ARHGAP26: variants seen among roughly 807,000 people sequenced by gnomAD.
ARHGAP26 encodes the protein rho GTPase-activating protein 26.
Under a neutral mutation model 104.8 loss-of-function variants are expected in ARHGAP26, and 38 were observed. The observed-to-expected ratio is 0.36, with a 90% CI of 0.28 to 0.48. The LOEUF is 0.48. Among genes scored for constraint, ARHGAP26 ranks in the 20% least tolerant of loss-of-function variants. ARHGAP26 has a pLI of 0.99. For synonymous variants in ARHGAP26, 341 were observed against 340.0 expected (o/e 1.00, Z -0.03); for missense variants, 704 against 947.9 (o/e 0.74, Z 3.38).
intron 19 of ARHGAP26, among the ~76,000 whole-genome samples, chr5:143,145,695 A>G (rs1799068939): frequency 6.6e-6 from 1 of 152,182 alleles, no homozygotes; most frequent in Admixed American, 6.5e-5. Context: ...TTAAAATATG[A>G]ACAGTTTTAA....
At chr5:142,948,231 G>A (rs371624419) in intron 11 of ARHGAP26, among the ~76,000 whole-genome samples, 1 of 151,978 alleles carries the variant, frequency 6.6e-6, no homozygotes, top group South Asian at 2.1e-4. Context: ...AAAGTCTCAG[G>A]TCAGAAGGCT....
At chr5:143,023,416 C>A (rs1468371419) in intron 12 of ARHGAP26, among the ~76,000 whole-genome samples, 1 of 151,678 alleles carries the variant, frequency 6.6e-6, no homozygotes, top group African/African-American at 2.4e-5. Context: ...GTAGGGAAAG[C>A]CTTGATGGGA....
At chr5:142,806,274 T>A (rs1762966682) in intron 1 of ARHGAP26, among the ~76,000 whole-genome samples, 1 of 152,300 alleles carries the variant, frequency 6.6e-6, no homozygotes, top group African/African-American at 2.4e-5. Flanking sequence ...TTATTTTTAT[T>A]TTTTGTAGAA....
chr5:142,885,632 C>T (rs1030805679), intron 5 of ARHGAP26, among the ~76,000 whole-genome samples: 1 of 152,130 alleles, frequency 6.6e-6, no homozygotes, highest in East Asian at 1.9e-4. Flanking sequence ...CACTGCTGGC[C>T]GAGATGACCA....
At position 142,871,923 on chromosome 5, in the gene ARHGAP26, C is replaced by A. The variant is rs532092385; in HGVS notation, c.155-1477C>A. Reference sequence around the variant, plus strand: ...TGCCTTCTTTTGGTGTAGAGCAGAGCGCTTTGGACAAACCGCAGCTATCTC... The same window carrying A: ...TGCCTTCTTTTGGTGTAGAGCAGAGAGCTTTGGACAAACCGCAGCTATCTC... On this transcript the variant is annotated intron_variant, in intron 1 of 22. Coordinates refer to ENST00000645722, the MANE Select transcript of ARHGAP26 (RefSeq NM_001135608.3). This position sits in a 1 kb window ranked among gnomAD's most constrained non-coding sequence, Gnocchi z 4.1. Among the ~76,000 whole-genome samples the A allele has an allele frequency of 6.6e-6, 1 of 152,146 alleles. No individual in the cohort carries two copies. Among genetic ancestry groups the A allele is most frequent in the Non-Finnish European group, 1.5e-5 (1 of 68,026 alleles).
Position 142,914,584 on chromosome 5 carries a change from C to T in ARHGAP26, c.1028+1291C>T, listed in dbSNP as rs573035760. Among the ~76,000 whole-genome samples, 5 of 152,266 alleles carry T rather than the reference C, an allele frequency of 3.3e-5. No homozygotes were observed. In the South Asian group the frequency reaches 8.3e-4, roughly 25 times the overall value. On this transcript the variant is annotated intron_variant, in intron 10 of 22. Transcript: ENST00000645722. ...AGCTGTTACTCTTTTTTGCTAATAG[C>T]TTATCCTGCGTGCTCCTCAGACTTG... is the stretch of plus-strand genomic sequence containing the variant.
At chr5:142,961,177 ATTGT>A (rs1770163070) in intron 11 of ARHGAP26, among the ~76,000 whole-genome samples, 1 of 152,144 alleles carries the variant, frequency 6.6e-6, no homozygotes, top group Admixed American at 6.6e-5. Flanking sequence ...GTAGAAAGCC[ATTGT>A]TTGTTGGAGA....
intron 22 of ARHGAP26, chr5:143,216,112 A>C: frequency 2.1e-6 from 1 of 467,028 alleles, no homozygotes; most frequent in East Asian, 7.0e-5. Flanking sequence ...AGTAGCTTAA[A>C]TAGTTAAGCA....
chr5:143,221,321 A>G (rs975839323), intron 22 of ARHGAP26, among the ~76,000 whole-genome samples: 1 of 151,360 alleles, frequency 6.6e-6, no homozygotes, highest in African/African-American at 2.4e-5. Flanking sequence ...TCAAACTGGT[A>G]TATAGAGGAG....
chr5:143,133,388 G>A (rs911839945), intron 18 of ARHGAP26, among the ~76,000 whole-genome samples: 5 of 152,046 alleles, frequency 3.3e-5, no homozygotes, highest in African/African-American at 4.8e-5. Context: ...AGATAAACGA[G>A]GAAAAGCTCA....
intron 1 of ARHGAP26, among the ~76,000 whole-genome samples, chr5:142,775,899 T>C (rs535323179): frequency 6.6e-6 from 1 of 152,352 alleles, no homozygotes; most frequent in East Asian, 1.9e-4. Context: ...TTTAAAGTCA[T>C]AAAAATGTAT....
At chr5:142,971,146 T>C (rs2152700239) in intron 11 of ARHGAP26, among the ~76,000 whole-genome samples, 2 of 152,314 alleles carry the variant, frequency 1.3e-5, no homozygotes, top group South Asian at 2.1e-4. Flanking sequence ...GGTGGGTCTA[T>C]GTATTTGGTA....
At position 143,015,941 on chromosome 5, in the gene ARHGAP26, C is replaced by G. The variant is rs530242425; in HGVS notation, c.1144+1825C>G. On this transcript the variant is annotated intron_variant, in intron 12 of 22. Coordinates refer to ENST00000645722, the MANE Select transcript of ARHGAP26 (RefSeq NM_001135608.3). ...TTGGAATCCTTAAAAAAGTGACCAC[C>G]CTCTAACTCCCCAATGGCTTATCCT... 2.0e-5 allele frequency among the ~76,000 whole-genome samples: 3 copies of G among 152,316 alleles called. No individual in the cohort carries two copies. The South Asian group carries it at 6.2e-4, about 32-fold the overall frequency.
chr5:142,902,405 G>A (rs1244879785), intron 7 of ARHGAP26, among the ~76,000 whole-genome samples: 1 of 152,208 alleles, frequency 6.6e-6, no homozygotes. Flanking sequence ...ACCGTGTGGA[G>A]TGTGTGTTCT....
At position 143,183,613 on chromosome 5, in the gene ARHGAP26, G is replaced by A. The variant is rs75259696; in HGVS notation, c.1989-23585G>A. On this transcript the variant is annotated intron_variant, in intron 20 of 22. Coordinates refer to ENST00000645722, the MANE Select transcript of ARHGAP26 (RefSeq NM_001135608.3). Reference sequence around the variant, plus strand: ...TTCTTGAGCTCTTCCCTGCCCACACGTACTGTGAGTTGCCAAGAAAGCAGC... The same window carrying A: ...TTCTTGAGCTCTTCCCTGCCCACACATACTGTGAGTTGCCAAGAAAGCAGC... 1.8e-3 allele frequency among the ~76,000 whole-genome samples: 277 copies of A among 152,270 alleles called. 10 individuals carry two copies. The East Asian group carries it at 0.045, about 25-fold the overall frequency.
At chr5:143,083,661 G>C (rs1238410374) in intron 17 of ARHGAP26, among the ~76,000 whole-genome samples, 1 of 152,004 alleles carries the variant, frequency 6.6e-6, no homozygotes, top group Non-Finnish European at 1.5e-5. Flanking sequence ...ACTACACCCG[G>C]CTAATTTTTG....
intron 11 of ARHGAP26, among the ~76,000 whole-genome samples, chr5:142,960,333 T>C (rs1325415913): frequency 6.6e-6 from 1 of 152,250 alleles, no homozygotes; most frequent in Admixed American, 6.5e-5. Flanking sequence ...ATCGATGGAT[T>C]CACTTTCCAT....
intron 1 of ARHGAP26, among the ~76,000 whole-genome samples, chr5:142,784,173 C>T (rs965287281): frequency 1.3e-5 from 2 of 152,258 alleles, no homozygotes; most frequent in Non-Finnish European, 2.9e-5. Context: ...AGATGGGTTT[C>T]TCTCTGGAAA....
chr5:142,854,865 T>C (rs6872858), intron 1 of ARHGAP26, among the ~76,000 whole-genome samples: 14,166 of 152,214 alleles, frequency 0.093, 1,507 homozygotes, highest in East Asian at 0.3. Context: ...TATTTTTGTT[T>C]CATTGCAAAC....
Sources: gnomAD v4.1 joint callset for allele counts (sites outside exome capture counted in the v4.1 genomes callset) on GRCh38, gnomAD v4.1.1 for gene constraint, Gnocchi (gnomAD v3.1) non-coding constraint, MANE v1.5 for transcripts, NCBI Gene and HGNC (gene_info 2026-07-23, HGNC 2026-07-21) for gene names.